The following GAS7 variants were observed in gnomAD, a reference collection of about 807,000 sequenced individuals.
GAS7 encodes the protein growth arrest specific 7, also known as growth arrest-specific protein 7.
A neutral mutation model predicts 71.1 loss-of-function variants in GAS7; 28 were observed. The observed-to-expected ratio is 0.39, with a 90% CI of 0.29 to 0.54. The LOEUF (loss-of-function observed/expected upper bound fraction) is 0.54. Among genes scored for constraint, GAS7 ranks in the 20% least tolerant of loss-of-function variants. The pLI is 0.62. For synonymous variants in GAS7, 258 were observed against 245.8 expected (o/e 1.05, Z -0.46); for missense variants, 436 against 627.8 (o/e 0.69, Z 3.27).
chr17:10,031,549 G>A (rs1597726658), intron 1 of GAS7, among the ~76,000 whole-genome samples: 2 of 152,176 alleles, frequency 1.3e-5, no homozygotes, highest in Non-Finnish European at 1.5e-5. Flanking sequence ...TCAAGCTGTC[G>A]GCAGAGGGTA....
intron 1 of GAS7, among the ~76,000 whole-genome samples, chr17:10,132,305 T>TC (rs11462615): frequency 0.73 from 110,594 of 151,980 alleles, 40,439 homozygotes; most frequent in Admixed American, 0.78. Context: ...TGGCACCTTC[T>TC]CCCCTGAAGA....
rs1248260454 is a variant in GAS7 at position 9,926,528 on chromosome 17, C to A, written c.1014+113G>T. On this transcript the variant is annotated intron_variant, in intron 10 of 13. Coordinates refer to ENST00000432992, the MANE Select transcript of GAS7 (RefSeq NM_201433.2). This position sits in a 1 kb window ranked among gnomAD's most constrained non-coding sequence, Gnocchi z 5.0. Reference sequence around the variant, plus strand: ...CTTGGACATCCCCCTATTCCCCTACCTGGGGACAAAGACTCAGCCTTGGCG... The same window carrying A: ...CTTGGACATCCCCCTATTCCCCTACATGGGGACAAAGACTCAGCCTTGGCG... The A allele has an allele frequency of 1.7e-6, 2 of 1,158,236 alleles. No individual in the cohort carries two copies. Among genetic ancestry groups the A allele is most frequent in the Non-Finnish European group, 2.5e-6 (2 of 795,210 alleles). 71.7% of individuals were successfully genotyped at this position (1,158,236 alleles called of 1,614,324 possible).
chr17:10,153,116 A>G, intron 1 of GAS7, among the ~76,000 whole-genome samples: 1 of 150,610 alleles, frequency 6.6e-6, no homozygotes, highest in East Asian at 2.0e-4. Flanking sequence ...TAGCTTAGGC[A>G]GGAGAATTGC....
In GAS7 at chr17:10,164,131, T is replaced by C. The variant is rs77887098; in HGVS notation, c.183+34077A>G. ...CCTCCCTGCCCCGTTAATTTTGCACTGTGCAGCCAGGATTAGGAATATGGC... is the reference window on the plus strand; with the variant it reads ...CCTCCCTGCCCCGTTAATTTTGCACCGTGCAGCCAGGATTAGGAATATGGC... On this transcript the variant is annotated intron_variant, in intron 1 of 13. Coordinates refer to ENST00000432992, the MANE Select transcript of GAS7 (RefSeq NM_201433.2). 0.024 allele frequency among the ~76,000 whole-genome samples: 3,626 copies of C among 152,218 alleles called. 321 individuals carry two copies. In the East Asian group the frequency reaches 0.32, roughly 14 times the overall value.
intron 5 of GAS7, among the ~76,000 whole-genome samples, chr17:9,947,309 G>A (rs535165919): frequency 6.6e-6 from 1 of 152,230 alleles, no homozygotes; most frequent in South Asian, 2.1e-4. Context: ...ATCCACACAC[G>A]CTTTTTCACG....
At chr17:9,943,625 G>A (rs912916801) in intron 6 of GAS7, among the ~76,000 whole-genome samples, 1 of 152,186 alleles carries the variant, frequency 6.6e-6, no homozygotes, top group Admixed American at 6.5e-5. Flanking sequence ...GCTGGACTAT[G>A]TGTGAGCTCA....
chr17:10,129,530 C>T (rs2073979734), intron 1 of GAS7, among the ~76,000 whole-genome samples: 1 of 152,114 alleles, frequency 6.6e-6, no homozygotes, highest in Admixed American at 6.6e-5. Context: ...GAGACCCCAT[C>T]TCAAAAACAA....
chr17:10,030,621 C>T (rs572103426), intron 1 of GAS7, among the ~76,000 whole-genome samples: 2 of 152,362 alleles, frequency 1.3e-5, no homozygotes, highest in Admixed American at 6.5e-5. Context: ...TCACCTCAAA[C>T]CCTTCTTATT....
chr17:10,117,131 G>A (rs2142072676), intron 1 of GAS7, among the ~76,000 whole-genome samples: 1 of 152,234 alleles, frequency 6.6e-6, no homozygotes, highest in African/African-American at 2.4e-5. Flanking sequence ...GGAGGCTCTA[G>A]GAGAGAATCC....
chr17:10,169,783 C>G (rs533606555), intron 1 of GAS7, among the ~76,000 whole-genome samples: 14 of 152,230 alleles, frequency 9.2e-5, no homozygotes, highest in African/African-American at 3.4e-4. Context: ...TACGCCATAA[C>G]GACTTCAAAT....
intron 9 of GAS7, among the ~76,000 whole-genome samples, chr17:9,933,284 C>T (rs2068274252): frequency 6.6e-6 from 1 of 152,118 alleles, no homozygotes; most frequent in Admixed American, 6.5e-5. Context: ...AAAATTCTCC[C>T]TTTGGCATAA....
rs2072690907 is a variant in GAS7 at position 10,034,199 on chromosome 17, C to G, written c.184-14302G>C. On this transcript the variant is annotated intron_variant, in intron 1 of 13. Transcript: ENST00000432992. This position sits in a 1 kb window ranked among gnomAD's most constrained non-coding sequence, Gnocchi z 4.4. Reference sequence around the variant, plus strand: ...GTCTCGCTGGCAGATCTTGAGCAACCTCTTCCATCTCTGCTGGGAGGCCTC... The same window carrying G: ...GTCTCGCTGGCAGATCTTGAGCAACGTCTTCCATCTCTGCTGGGAGGCCTC... 1 of 985,076 alleles carries G rather than the reference C, an allele frequency of 1.0e-6. No individual in the cohort carries two copies. Among genetic ancestry groups the G allele is most frequent in the Non-Finnish European group, 1.2e-6 (1 of 829,592 alleles). 61.0% of individuals were successfully genotyped at this position (985,076 alleles called of 1,614,324 possible). A position where few individuals can be genotyped will look rare whatever the true frequency, so the allele number is the denominator to read the frequency against.
At chr17:10,056,220 C>T (rs2073134400) in intron 1 of GAS7, among the ~76,000 whole-genome samples, 1 of 152,056 alleles carries the variant, frequency 6.6e-6, no homozygotes, top group Non-Finnish European at 1.5e-5. Context: ...ATTAGCCAGG[C>T]ATGGTGGTGT....
rs1430231939 is a variant in GAS7, at chr17:9,912,132, T to TG, written c.*5095dup. 10 of 232,204 alleles carry TG rather than the reference T, an allele frequency of 4.3e-5. No individual in the cohort carries two copies. The highest frequency in any genetic ancestry group is 2.4e-4 in the East Asian group (4 of 16,446). 14.4% of individuals were successfully genotyped at this position (232,204 alleles called of 1,614,324 possible). ...AAACGGTCATTACTTGCACTGTCTT[T>TG]GGGGGGTCCTAGGAGAAACTACCTC... On this transcript the variant is annotated 3_prime_UTR_variant, in exon 14 of 14. Transcript: ENST00000432992.
At chr17:9,934,273 T>C (rs2068313167) in intron 8 of GAS7, 29 bp from the exon 9 acceptor site, 2 of 1,508,622 alleles carry the variant, frequency 1.3e-6, no homozygotes, top group Non-Finnish European at 1.8e-6. Flanking sequence ...GAGACTCAGG[T>C]CACAAGCCAA....
At chr17:10,095,801 CAAAAAA>C (rs58811317) in intron 1 of GAS7, among the ~76,000 whole-genome samples, 2 of 110,118 alleles carry the variant, frequency 1.8e-5, no homozygotes, top group African/African-American at 6.7e-5. Context: ...GACTCCATCT[CAAAAAA>C]AAAAAAAAAA....
intron 1 of GAS7, among the ~76,000 whole-genome samples, chr17:10,159,113 C>T (rs2074231753): frequency 2.9e-5 from 3 of 105,084 alleles, no homozygotes; most frequent in Non-Finnish European, 5.8e-5. Context: ...ATAACACACA[C>T]GCACAATGTG....
intron 9 of GAS7, among the ~76,000 whole-genome samples, chr17:9,927,336 A>C (rs1044522284): frequency 4.0e-5 from 3 of 75,666 alleles, no homozygotes; most frequent in Non-Finnish European, 6.4e-5. Context: ...CACACACACA[A>C]ATTAGCTGGG....
At chr17:10,085,071 C>T (rs967934681) in intron 1 of GAS7, among the ~76,000 whole-genome samples, 3 of 152,238 alleles carry the variant, frequency 2.0e-5, no homozygotes, top group Non-Finnish European at 2.9e-5. Flanking sequence ...ATTCCTACTT[C>T]CTGGCCTCAC....
Sources: gnomAD v4.1 joint callset for allele counts (sites outside exome capture counted in the v4.1 genomes callset) on GRCh38, gnomAD v4.1.1 for gene constraint, Gnocchi (gnomAD v3.1) non-coding constraint, MANE v1.5 for transcripts, NCBI Gene and HGNC (gene_info 2026-07-23, HGNC 2026-07-21) for gene names.